SLC18A1: variants seen among roughly 807,000 people sequenced by gnomAD.
SLC18A1 encodes solute carrier family 18 member A1.
Under a neutral mutation model 53.7 loss-of-function variants are expected in SLC18A1, and 69 were observed. The ratio of observed to expected loss-of-function variants is 1.28; its 90% CI spans 1.06 to 1.57. The LOEUF (loss-of-function observed/expected upper bound fraction) is 1.57, where lower values mean the gene tolerates loss of function less well. Among genes scored for constraint, SLC18A1 ranks in the 40% most tolerant of loss-of-function variants. The pLI is 0.00. For synonymous variants in SLC18A1, 320 were observed against 248.1 expected, an observed-to-expected ratio of 1.29 and a Z score of -2.72; for missense variants, 932 against 668.1, an observed-to-expected ratio of 1.40 and a Z score of -4.35.
At chr8:20,171,888 A>C (rs1379723871) in intron 6 of SLC18A1, among the ~76,000 whole-genome samples, 8 of 152,246 alleles carry the variant, frequency 5.3e-5, no homozygotes, top group Non-Finnish European at 1.2e-4. Flanking sequence ...AGCTTGTGTG[A>C]AGAACACAGA....
rs746968799 is a variant in SLC18A1 at position 20,171,127 on chromosome 8, T to C, written c.834A>G (p.Leu278=). 2.5e-6 allele frequency: 4 copies of C among 1,614,182 alleles called. No homozygotes were observed. The highest frequency in any genetic ancestry group is 4.5e-5 in the East Asian group (2 of 44,882). ...CCTCAGGAGAGACTTTGGAAGGCTG[T>C]AGGATGCAAAGCTGGAGTGCTAAGA... ...LLDGALQLCI[L]QPSKVSPESA... The change falls in exon 8 of 16, where the codon CTA becomes CTG. Residue 278 remains leucine (L), a synonymous_variant. Coordinates refer to ENST00000276373, the MANE Select transcript of SLC18A1 (RefSeq NM_003053.4).
chr8:20,154,972 G>T (rs1169661649), intron 10 of SLC18A1, among the ~76,000 whole-genome samples: 1 of 152,152 alleles, frequency 6.6e-6, no homozygotes, highest in Non-Finnish European at 1.5e-5. Context: ...GCTTGCCATT[G>T]TTCCTGCACA....
Position 20,165,235 on chromosome 8 carries a change from C to T in SLC18A1, c.859-128G>A, listed in dbSNP as rs1585208413. 15 of 782,798 alleles carry T rather than the reference C, an allele frequency of 1.9e-5. No individual in the cohort carries two copies. In the East Asian group the frequency reaches 4.0e-4, roughly 21 times the overall value. 48.5% of individuals were successfully genotyped at this position (782,798 alleles called of 1,614,324 possible). On this transcript the variant is annotated intron_variant, in intron 8 of 15. Coordinates refer to ENST00000276373, the MANE Select transcript of SLC18A1 (RefSeq NM_003053.4). ...ACAGTATCTCCTTTACTGCAGAGACCAGGAACCCCAGTACAGGGAGAGAAA... is the reference window on the plus strand; with the variant it reads ...ACAGTATCTCCTTTACTGCAGAGACTAGGAACCCCAGTACAGGGAGAGAAA...
Position 20,179,111 on chromosome 8 carries a change from A to C in SLC18A1, c.488+10T>G. On this transcript the variant is annotated intron_variant, in intron 3 of 15. Coordinates refer to ENST00000276373, the MANE Select transcript of SLC18A1 (RefSeq NM_003053.4). Reference sequence around the variant, plus strand: ...GTGTACCCTGCGGGGCACTGCACCCAGTGAGATACCTGTTGGTGAGAGGGC... The same window carrying C: ...GTGTACCCTGCGGGGCACTGCACCCCGTGAGATACCTGTTGGTGAGAGGGC... The C allele has an allele frequency of 6.2e-7, 1 of 1,605,338 alleles. No individual in the cohort carries two copies. Among genetic ancestry groups the C allele is most frequent in the South Asian group, 1.1e-5 (1 of 89,502 alleles).
In SLC18A1 at chr8:20,145,844, G is replaced by T; in HGVS notation, c.1497C>A (p.Thr499=). The T allele has an allele frequency of 6.2e-7, 1 of 1,611,594 alleles. No individual in the cohort carries two copies. The highest frequency in any genetic ancestry group is 8.5e-7 in the Non-Finnish European group (1 of 1,178,882). Residue 499 remains threonine, a synonymous_variant, in exon 16 of 16, where the codon ACC becomes ACA. Coordinates refer to ENST00000276373, the MANE Select transcript of SLC18A1 (RefSeq NM_003053.4). ...TGGGCTTCTGGGTTGCATACATCCG[G>T]GTCTCCATGGGGCAGTCCTGACTCA... is the stretch of plus-strand genomic sequence containing the variant. ...AILSQDCPME[T]RMYATQKPTK... is the part of the protein sequence containing the mutation.
intron 12 of SLC18A1, 48 bp downstream of exon 12, chr8:20,149,628 C>T: frequency 6.8e-7 from 1 of 1,470,420 alleles, no homozygotes; most frequent in Non-Finnish European, 9.5e-7. Context: ...GTCTGTCTGT[C>T]TCTCGCTCTC....
chr8:20,145,160 A>G lies in SLC18A1; in HGVS notation c.*603T>C, dbSNP rs2071362527. On this transcript the variant is annotated 3_prime_UTR_variant, in exon 16 of 16. Transcript: ENST00000276373. ...ATAGAAGACACTTTTCACTGAGGGT[A>G]AAGCCCTTTTAGCAGCTCTAGATTT... The G allele has an allele frequency of 6.6e-6, 1 of 152,128 alleles. No homozygotes were observed. The highest frequency in any genetic ancestry group is 2.4e-5 in the African/African-American group (1 of 41,426). 9.4% of individuals were successfully genotyped at this position (152,128 alleles called of 1,614,324 possible). A position where few individuals can be genotyped will look rare whatever the true frequency, so the allele number is the denominator to read the frequency against.
At chr8:20,157,707 T>G (rs534013945) in intron 10 of SLC18A1, among the ~76,000 whole-genome samples, 1 of 152,240 alleles carries the variant, frequency 6.6e-6, no homozygotes, top group East Asian at 1.9e-4. Flanking sequence ...ACTTCAAAAG[T>G]CCACTTTAGG....
chr8:20,173,027 G>A lies in SLC18A1; in HGVS notation c.724+9C>T. On this transcript the variant is annotated intron_variant, in intron 6 of 15. Transcript: ENST00000276373. ...TCCCGAACCCAGAGCTCCAGCTGGT[G>A]CCACTTACCCAGCAACCCCAAGGCC... 1 of 1,571,120 alleles carries A rather than the reference G, an allele frequency of 6.4e-7. No individual in the cohort carries two copies. The highest frequency in any genetic ancestry group is 8.7e-7 in the Non-Finnish European group (1 of 1,156,044).
At chr8:20,152,598 T>G (rs2071585746) in intron 10 of SLC18A1, among the ~76,000 whole-genome samples, 1 of 152,088 alleles carries the variant, frequency 6.6e-6, no homozygotes, top group South Asian at 2.1e-4. Flanking sequence ...CTGGTTGAAG[T>G]GCAAGAGCAT....
Position 20,155,535 on chromosome 8 carries a change from A to T in SLC18A1, c.1016-4791T>A, listed in dbSNP as rs116778446. Among the ~76,000 whole-genome samples, 839 of 152,260 alleles carry T rather than the reference A, an allele frequency of 5.5e-3. 6 individuals are homozygous for T. Among genetic ancestry groups the T allele is most frequent in the African/African-American group, 0.019 (798 of 41,554 alleles). On this transcript the variant is annotated intron_variant, in intron 10 of 15. Transcript: ENST00000276373. ...CTGTCATCCCAAACTCCGGGCATTGATCAGTCAAGATCATGATGCAACCAG... is the reference window on the plus strand; with the variant it reads ...CTGTCATCCCAAACTCCGGGCATTGTTCAGTCAAGATCATGATGCAACCAG...
At chr8:20,172,866 A>C (rs890649536) in intron 6 of SLC18A1, among the ~76,000 whole-genome samples, 170 bp downstream of exon 6, 1 of 152,204 alleles carries the variant, frequency 6.6e-6, no homozygotes, top group Non-Finnish European at 1.5e-5. Context: ...TGTGTTTCCC[A>C]GCTTCTTAAG....
intron 10 of SLC18A1, among the ~76,000 whole-genome samples, chr8:20,159,467 G>C (rs143804692): frequency 0.025 from 3,842 of 151,974 alleles, 175 homozygotes; most frequent in African/African-American, 0.089. Context: ...TAGGCTAAAA[G>C]CAGGAGGTAA....
chr8:20,157,378 G>C (rs1170748321), intron 10 of SLC18A1, among the ~76,000 whole-genome samples: 2 of 152,190 alleles, frequency 1.3e-5, no homozygotes, highest in Non-Finnish European at 2.9e-5. Context: ...ACAGAGGAAA[G>C]AGAACGATTC....
At chr8:20,157,661 G>A (rs184619569) in intron 10 of SLC18A1, among the ~76,000 whole-genome samples, 215 of 152,288 alleles carry the variant, frequency 1.4e-3, no homozygotes, top group African/African-American at 4.5e-3. Flanking sequence ...TAAAAGATAA[G>A]TTTATCACTC....
At chr8:20,158,766 T>C (rs1208476290) in intron 10 of SLC18A1, among the ~76,000 whole-genome samples, 1 of 152,120 alleles carries the variant, frequency 6.6e-6, no homozygotes, top group Non-Finnish European at 1.5e-5. Flanking sequence ...ACCTAACCCT[T>C]ATACTCTGCT....
intron 1 of SLC18A1, chr8:20,181,933 G>A (rs1304175988): frequency 1.3e-5 from 2 of 152,162 alleles, no homozygotes; most frequent in African/African-American, 4.8e-5. Context: ...ACAAACCCCT[G>A]ATCAGAAAGA....
intron 10 of SLC18A1, among the ~76,000 whole-genome samples, chr8:20,163,664 A>G (rs112600996): frequency 0.013 from 1,951 of 152,284 alleles, 18 homozygotes; most frequent in Non-Finnish European, 0.019. Context: ...CTTACTAGGG[A>G]TGAAAACTTG....
chr8:20,154,956 C>T (rs1211931890), intron 10 of SLC18A1, among the ~76,000 whole-genome samples: 1 of 152,176 alleles, frequency 6.6e-6, no homozygotes, highest in Non-Finnish European at 1.5e-5. Context: ...CCTGATTGGG[C>T]TAAAAGCTTG....
Sources: allele counts gnomAD v4.1 joint callset (sites outside exome capture counted in the v4.1 genomes callset), GRCh38; gene constraint gnomAD v4.1.1; transcripts MANE v1.5; gene names NCBI Gene and HGNC (gene_info 2026-07-23, HGNC 2026-07-21).